The following DEPTOR variants were observed in gnomAD, a reference collection of about 807,000 sequenced individuals.
The protein encoded by DEPTOR is DEP domain-containing mTOR-interacting protein.
Under a neutral mutation model 41.6 loss-of-function variants are expected in DEPTOR, and 41 were observed. That is an observed-to-expected ratio of 0.98 (90% CI 0.77 to 1.28). DEPTOR has a LOEUF of 1.28. DEPTOR is among the 50% of genes most tolerant of loss of function. The probability of loss-of-function intolerance (pLI) is 0.00; values close to 1 mark genes in which losing one functional copy is unlikely to be tolerated. For missense variants in DEPTOR, 514 were observed against 527.9 expected, an observed-to-expected ratio of 0.97 and a Z score of 0.26; for synonymous variants, 195 against 192.3, an observed-to-expected ratio of 1.01 and a Z score of -0.12.
intron 8 of DEPTOR, among the ~76,000 whole-genome samples, chr8:120,013,290 A>G (rs1017345787): frequency 3.3e-5 from 5 of 152,202 alleles, no homozygotes; most frequent in Admixed American, 6.5e-5. Context: ...GTTAAATTAC[A>G]ATGATAGCAA....
intron 4 of DEPTOR, among the ~76,000 whole-genome samples, chr8:119,995,953 G>A (rs1010104525): frequency 6.6e-6 from 1 of 152,194 alleles, no homozygotes; most frequent in African/African-American, 2.4e-5. Context: ...AAGCAAATGT[G>A]TGAAACTCAA....
intron 3 of DEPTOR, among the ~76,000 whole-genome samples, chr8:119,945,271 A>T (rs75765851): frequency 0.018 from 2,716 of 152,276 alleles, 73 homozygotes; most frequent in African/African-American, 0.062. Flanking sequence ...AAACTAGTAG[A>T]AGATATTGAT....
At chr8:119,903,483 G>A (rs1827621254) in intron 1 of DEPTOR, among the ~76,000 whole-genome samples, 1 of 152,098 alleles carries the variant, frequency 6.6e-6, no homozygotes, top group Non-Finnish European at 1.5e-5. Flanking sequence ...AACCTTGCAT[G>A]GTTGATTAAC....
intron 1 of DEPTOR, among the ~76,000 whole-genome samples, chr8:119,893,014 C>A (rs1157233509): frequency 6.6e-6 from 1 of 152,094 alleles, no homozygotes; most frequent in Non-Finnish European, 1.5e-5. Flanking sequence ...AACTCCTGTT[C>A]TCAGGTTATC....
chr8:119,917,487 T>C (rs1433872439), intron 1 of DEPTOR, among the ~76,000 whole-genome samples: 1 of 152,204 alleles, frequency 6.6e-6, no homozygotes, highest in Non-Finnish European at 1.5e-5. Context: ...GATTAAGGGC[T>C]GTGCAAGATG....
chr8:119,982,383 T>C (rs1447864405), intron 4 of DEPTOR, among the ~76,000 whole-genome samples: 2 of 152,202 alleles, frequency 1.3e-5, no homozygotes, highest in Admixed American at 1.3e-4. Flanking sequence ...TTACACGATA[T>C]GGGCTTCAAA....
At chr8:119,897,982 A>G (rs1827542016) in intron 1 of DEPTOR, among the ~76,000 whole-genome samples, 1 of 152,234 alleles carries the variant, frequency 6.6e-6, no homozygotes, top group Non-Finnish European at 1.5e-5. Flanking sequence ...TTATGAAATG[A>G]AGATGTACAA....
chr8:119,945,532 T>G (rs1321833182), intron 3 of DEPTOR, among the ~76,000 whole-genome samples: 2 of 152,250 alleles, frequency 1.3e-5, no homozygotes, highest in African/African-American at 4.8e-5. Flanking sequence ...ATACTCCATT[T>G]GCTAAAGAGT....
chr8:119,912,459 T>A (rs981295190), intron 1 of DEPTOR, among the ~76,000 whole-genome samples: 1 of 152,180 alleles, frequency 6.6e-6, no homozygotes, highest in African/African-American at 2.4e-5. Flanking sequence ...TGTGTTTCGG[T>A]TGAGAAATTT....
chr8:119,885,531 T>A (rs149267933), intron 1 of DEPTOR, among the ~76,000 whole-genome samples: 3 of 152,312 alleles, frequency 2.0e-5, no homozygotes, highest in African/African-American at 7.2e-5. Context: ...TCTACTGTTA[T>A]ACAGTGAGCA....
intron 3 of DEPTOR, among the ~76,000 whole-genome samples, chr8:119,957,328 T>C (rs1235469207): frequency 6.6e-6 from 1 of 152,162 alleles, no homozygotes; most frequent in Non-Finnish European, 1.5e-5. Flanking sequence ...GGGACTCTGG[T>C]CTCAAAAAGC....
chr8:119,913,795 T>G (rs1391021572), intron 1 of DEPTOR, among the ~76,000 whole-genome samples: 1 of 152,140 alleles, frequency 6.6e-6, no homozygotes, highest in Non-Finnish European at 1.5e-5. Context: ...TTCAGTTAGG[T>G]GTCCTGACTC....
intron 8 of DEPTOR, among the ~76,000 whole-genome samples, chr8:120,040,315 G>A (rs552692713): frequency 2.0e-5 from 3 of 152,122 alleles, no homozygotes; most frequent in South Asian, 2.1e-4. Context: ...GGTGGCTCAC[G>A]CCTGTAATCC....
chr8:119,896,066 C>G (rs990503774), intron 1 of DEPTOR, among the ~76,000 whole-genome samples: 1 of 109,290 alleles, frequency 9.1e-6, no homozygotes, highest in Admixed American at 1.2e-4. Flanking sequence ...TGTTATTATG[C>G]TATTTTTTTT....
intron 4 of DEPTOR, among the ~76,000 whole-genome samples, chr8:119,988,980 T>TTTA (rs1828865861): frequency 7.4e-6 from 1 of 134,284 alleles, no homozygotes; most frequent in Non-Finnish European, 1.6e-5. Flanking sequence ...TTTTTTTTTT[T>TTTA]AATAGAGATG....
intron 3 of DEPTOR, among the ~76,000 whole-genome samples, chr8:119,964,515 CAAAAAAAAAAAAAAAAAAAAA>C (rs536731714): frequency 1.6e-5 from 2 of 121,692 alleles, no homozygotes; most frequent in African/African-American, 6.6e-5. Flanking sequence ...AAGCCCGTCT[CAAAAAAAAAAAAAAAAAAAAA>C]AAAAAAAAAA....
intron 4 of DEPTOR, among the ~76,000 whole-genome samples, chr8:119,995,941 C>A (rs1282353070): frequency 1.3e-5 from 2 of 152,088 alleles, no homozygotes; most frequent in Non-Finnish European, 2.9e-5. Flanking sequence ...TACTCACACA[C>A]AAAGCAAATG....
At chr8:119,888,465 C>G (rs1375799468) in intron 1 of DEPTOR, among the ~76,000 whole-genome samples, 1 of 152,182 alleles carries the variant, frequency 6.6e-6, no homozygotes, top group Non-Finnish European at 1.5e-5. Flanking sequence ...ATAAAGGGCT[C>G]TGTCTTCCTG....
intron 3 of DEPTOR, among the ~76,000 whole-genome samples, chr8:119,953,800 T>A (rs1223839854): frequency 1.1e-5 from 1 of 88,414 alleles, no homozygotes; most frequent in East Asian, 2.9e-4. Context: ...TCAGATAGCT[T>A]CTTTTTTTTT....
Sources: allele counts gnomAD v4.1 joint callset (sites outside exome capture counted in the v4.1 genomes callset), GRCh38; gene constraint gnomAD v4.1.1; transcripts MANE v1.5; gene names NCBI Gene and HGNC (gene_info 2026-07-23, HGNC 2026-07-21).